Variants in AFM observed in about 807,000 individuals in gnomAD.
AFM encodes the protein alpha-Alb.
In AFM, 82 loss-of-function variants were observed where a neutral mutation model predicts 68.7. That is an observed-to-expected ratio of 1.19 (90% CI 1.00 to 1.43). AFM has a LOEUF of 1.43. Among genes scored for constraint, AFM ranks in the 40% most tolerant of loss-of-function variants. AFM has a pLI of 0.00. For missense variants in AFM, 772 were observed against 701.8 expected (o/e 1.10, Z -1.13); for synonymous variants, 250 against 234.2 (o/e 1.07, Z -0.61).
chr4:73,497,814 G>A (rs541665625), intron 10 of AFM, 65 bp downstream of exon 10: 56 of 1,050,266 alleles, frequency 5.3e-5, no homozygotes, highest in Middle Eastern at 2.1e-4. Context: ...CCCTCGAAGC[G>A]TAAAAAAGTT....
intron 8 of AFM, among the ~76,000 whole-genome samples, chr4:73,493,100 TA>T (rs1220272538): frequency 6.6e-6 from 1 of 152,184 alleles, no homozygotes; most frequent in Non-Finnish European, 1.5e-5. Context: ...TTTGGTAATC[TA>T]GATAGGTAGA....
intron 1 of AFM, among the ~76,000 whole-genome samples, chr4:73,483,531 C>A (rs1228739320): frequency 2.6e-5 from 4 of 152,188 alleles, no homozygotes; most frequent in Admixed American, 6.5e-5. Context: ...ACTATGCTGA[C>A]CACCAGCATG....
chr4:73,497,717 C>G lies in AFM; in HGVS notation c.1257C>G (p.Phe419Leu). ...LKMVQQECKH[F>L]QNLGKDGLKY... The stretch of plus-strand genomic sequence containing the variant: ...TGGTACAACAAGAATGTAAACATTT[C>G]CAGAATTTGGGGAAGGATGGTTTGA... The change falls in exon 10 of 15, where the codon TTC becomes TTG. Residue 419 changes from phenylalanine (F) to leucine (L), a missense_variant. Physicochemically the swap from Phe to Leu is conservative, Grantham distance 22 (BLOSUM62 0). Coordinates refer to ENST00000226355, the MANE Select transcript of AFM (RefSeq NM_001133.2). 1 of 1,608,464 alleles carries G rather than the reference C, an allele frequency of 6.2e-7. No homozygotes were observed. The highest frequency in any genetic ancestry group is 8.5e-7 in the Non-Finnish European group (1 of 1,176,926).
At chr4:73,484,450 C>A (rs1011334691) in intron 3 of AFM, 60 bp downstream of exon 3, 5 of 327,078 alleles carry the variant, frequency 1.5e-5, no homozygotes, top group Admixed American at 6.1e-5. Context: ...CTCTTTCTTT[C>A]TTTCTTTCTT....
Position 73,486,748 on chromosome 4 carries a change from G to A in AFM, c.483-219G>A, listed in dbSNP as rs72856630. ...ATAAGGACTTCAAAGGACTCTTATC[G>A]GGAACTGGTTAATGCTGCCTTATAT... On this transcript the variant is annotated intron_variant, in intron 4 of 14. Transcript: ENST00000226355. Among the ~76,000 whole-genome samples the A allele has an allele frequency of 9.3e-4, 141 of 152,232 alleles. 1 individual carries two copies. Among genetic ancestry groups the A allele is most frequent in the African/African-American group, 2.9e-3 (120 of 41,542 alleles).
At chr4:73,503,556 C>A (rs1721474099) in intron 14 of AFM, among the ~76,000 whole-genome samples, 1 of 152,204 alleles carries the variant, frequency 6.6e-6, no homozygotes, top group African/African-American at 2.4e-5. Context: ...CACATACAAA[C>A]CAAGGGTATT....
chr4:73,483,123 C>A (rs534635945), intron 1 of AFM, among the ~76,000 whole-genome samples: 5 of 152,198 alleles, frequency 3.3e-5, no homozygotes, highest in East Asian at 1.9e-4. Flanking sequence ...TCTCTCCACA[C>A]AGACAGACAG....
chr4:73,500,055 A>G lies in AFM; in HGVS notation c.1474A>G (p.Asn492Asp), dbSNP rs1254789167. 4 of 1,613,936 alleles carry G rather than the reference A, an allele frequency of 2.5e-6. No homozygotes were observed. In the East Asian group the frequency reaches 6.7e-5, roughly 27 times the overall value. ...LCGVNENRTI[N>D]PAVDHCCKTN... ...TGGAGTAAATGAAAATCGAACTATCAACCCTGCTGTGGACCACTGCTGTAA... is the reference window on the plus strand; with the variant it reads ...TGGAGTAAATGAAAATCGAACTATCGACCCTGCTGTGGACCACTGCTGTAA... The change falls in exon 12 of 15, where the codon AAC becomes GAC. Residue 492 changes from asparagine (N) to aspartate (D), a missense_variant. Physicochemically the swap from Asn to Asp is conservative, Grantham distance 23. Transcript: ENST00000226355.
chr4:73,503,214 C>T (rs1721466449), intron 14 of AFM, 104 bp downstream of exon 14: 1 of 890,870 alleles, frequency 1.1e-6, no homozygotes, highest in Non-Finnish European at 1.8e-6. Context: ...GTTCATCCTA[C>T]ATGAACAAGA....
chr4:73,493,430 A>G (rs1245097342), intron 8 of AFM, among the ~76,000 whole-genome samples: 1 of 152,190 alleles, frequency 6.6e-6, no homozygotes, highest in Non-Finnish European at 1.5e-5. Flanking sequence ...TTGAGGTACC[A>G]GTAGAATAAC....
chr4:73,481,877 T>C lies in AFM; in HGVS notation c.88+14T>C. ...CTCGGGATATAGGTAAGAAATTTAC[T>C]TGTATATCAGCTAAAGCATGACCAG... On this transcript the variant is annotated intron_variant, in intron 1 of 14. Coordinates refer to ENST00000226355, the MANE Select transcript of AFM (RefSeq NM_001133.2). The C allele has an allele frequency of 3.3e-6, 5 of 1,518,860 alleles. No homozygotes were observed. The highest frequency in any genetic ancestry group is 4.5e-6 in the Non-Finnish European group (5 of 1,104,298). The allele number at this position is 1,518,860 out of a possible 1,614,324, so 94.1% of individuals were successfully genotyped here. A position where few individuals can be genotyped will look rare whatever the true frequency, so the allele number is the denominator to read the frequency against.
intron 4 of AFM, among the ~76,000 whole-genome samples, chr4:73,486,334 G>A (rs1248042717): frequency 2.0e-5 from 3 of 152,136 alleles, no homozygotes; most frequent in Non-Finnish European, 4.4e-5. Flanking sequence ...GTGTGTACAT[G>A]GTGTTAAATT....
intron 7 of AFM, among the ~76,000 whole-genome samples, chr4:73,489,886 G>T (rs760001267): frequency 6.6e-6 from 1 of 152,060 alleles, no homozygotes; most frequent in Non-Finnish European, 1.5e-5. Flanking sequence ...TAAAACCTAG[G>T]TGATAAGTTG....
At position 73,499,874 on chromosome 4, in the gene AFM, T is replaced by C. The variant is rs978746725; in HGVS notation, c.1423-130T>C. On this transcript the variant is annotated intron_variant, in intron 11 of 14. Transcript: ENST00000226355. ...TTTACTTGTATATAGGGATATGTCATGAGTGCATGTGTTTTATGAGTGAGG... is the reference window on the plus strand; with the variant it reads ...TTTACTTGTATATAGGGATATGTCACGAGTGCATGTGTTTTATGAGTGAGG... The C allele has an allele frequency of 1.1e-5, 8 of 734,486 alleles. No individual in the cohort carries two copies. In the African/African-American group the frequency reaches 1.4e-4, roughly 13 times the overall value. The allele number at this position is 734,486 out of a possible 1,614,324, so 45.5% of individuals were successfully genotyped here. A position where few individuals can be genotyped will look rare whatever the true frequency, so the allele number is the denominator to read the frequency against.
At position 73,488,668 on chromosome 4, in the gene AFM, A is replaced by G; in HGVS notation, c.752A>G (p.Glu251Gly). 6.2e-7 allele frequency: 1 copy of G among 1,612,496 alleles called. No homozygotes were observed. Among genetic ancestry groups the G allele is most frequent in the South Asian group, 1.1e-5 (1 of 90,784 alleles). The change falls in exon 7 of 15, where the codon GAA (glutamate) becomes GGA (glycine). Residue 251 changes from glutamate (E) to glycine (G), a missense_variant. Transcript: ENST00000226355. ...CTCAGTCAAAAATTCCCCAAGATTG[A>G]ATTTAAGGAGCTTATTTCTCTTGTA... Reference protein sequence around the residue: ...AILSQKFPKIEFKELISLVED... With the variant: ...AILSQKFPKIGFKELISLVED...
At chr4:73,499,606 C>G (rs1196690569) in intron 11 of AFM, among the ~76,000 whole-genome samples, 2 of 152,046 alleles carry the variant, frequency 1.3e-5, no homozygotes, top group Non-Finnish European at 2.9e-5. Context: ...TTGCTTCATC[C>G]AGCAATCAGG....
At chr4:73,483,823 C>A in intron 1 of AFM, 118 bp from the exon 2 acceptor site, 1 of 768,982 alleles carries the variant, frequency 1.3e-6, no homozygotes, top group Admixed American at 4.1e-5. Flanking sequence ...GCAAAATTAT[C>A]TCCTGTCATC....
At chr4:73,492,932 A>C (rs1179871608) in intron 8 of AFM, among the ~76,000 whole-genome samples, 4 of 151,740 alleles carry the variant, frequency 2.6e-5, no homozygotes, top group Admixed American at 2.0e-4. Flanking sequence ...GAGAGTATAA[A>C]GTGAGAAGAG....
intron 4 of AFM, 89 bp from the exon 5 acceptor site, chr4:73,486,873 CTCCCT>C (rs149807908): frequency 0.03 from 35,957 of 1,210,442 alleles, 945 homozygotes; most frequent in African/African-American, 0.099. Context: ...CCATCTTACC[CTCCCT>C]TCCCTTCCCT....
Sources: gnomAD v4.1 joint callset for allele counts (sites outside exome capture counted in the v4.1 genomes callset) on GRCh38, gnomAD v4.1.1 for gene constraint, MANE v1.5 for transcripts, NCBI Gene and HGNC (gene_info 2026-07-23, HGNC 2026-07-21) for gene names.